RIMBP2: variants seen among roughly 807,000 people sequenced by gnomAD.
RIMBP2 encodes RIMS binding protein 2, also known as RIMS-binding protein 2.
Under a neutral mutation model 118.6 loss-of-function variants are expected in RIMBP2, and 48 were observed. The observed-to-expected ratio is 0.40, with a 90% CI of 0.32 to 0.51. The LOEUF (loss-of-function observed/expected upper bound fraction) is 0.51. RIMBP2 is among the 20% of genes least tolerant of loss of function. The pLI is 0.41. For synonymous variants in RIMBP2, 762 were observed against 742.9 expected (o/e 1.03, Z -0.42); for missense variants, 1,551 against 1,768.3 (o/e 0.88, Z 2.20).
In RIMBP2 at chr12:130,705,413, G is replaced by A. The variant is rs2066059046; in HGVS notation, c.-352+10809C>T. ...TTCCTAACGCATCTTTCACCTCTGG[G>A]GAAAAGGAGGTTCAGTTTCCCCATT... On this transcript the variant is annotated intron_variant, in intron 1 of 22. Transcript: ENST00000690449. Among the ~76,000 whole-genome samples the A allele has an allele frequency of 4.6e-5, 7 of 152,198 alleles. 1 individual carries two copies. In the South Asian group the frequency reaches 1.5e-3, roughly 32 times the overall value.
chr12:130,406,538 G>C (rs2075190763), intron 20 of RIMBP2, among the ~76,000 whole-genome samples: 1 of 152,180 alleles, frequency 6.6e-6, no homozygotes, highest in Admixed American at 6.5e-5. Context: ...CTAGTGAAAT[G>C]GTTAATTGTA....
chr12:130,458,847 C>G lies in RIMBP2; in HGVS notation c.154-2147G>C, dbSNP rs186640513. 1.8e-4 allele frequency among the ~76,000 whole-genome samples: 27 copies of G among 152,106 alleles called. No individual in the cohort carries two copies. The East Asian group carries it at 4.3e-3, about 24-fold the overall frequency. On this transcript the variant is annotated intron_variant, in intron 6 of 22. Coordinates refer to ENST00000690449, the MANE Select transcript of RIMBP2 (RefSeq NM_001393629.1). ...ATCACCTGAGCTCAGGAGTTCGAGA[C>G]CAGCCTGGCCAACATGGTGAAACTC... is the stretch of plus-strand genomic sequence containing the variant.
Position 130,623,981 on chromosome 12 carries a change from C to G in RIMBP2, c.-217+4341G>C, listed in dbSNP as rs2061475827. On this transcript the variant is annotated intron_variant, in intron 2 of 22. Coordinates refer to ENST00000690449, the MANE Select transcript of RIMBP2 (RefSeq NM_001393629.1). This position sits in a 1 kb window ranked among gnomAD's most constrained non-coding sequence, Gnocchi z 4.1. Reference sequence around the variant, plus strand: ...CCCTGTCTCACTTCCACACTCCCCTCCCAAAATTTCCTGGGGTCACCTTCC... The same window carrying G: ...CCCTGTCTCACTTCCACACTCCCCTGCCAAAATTTCCTGGGGTCACCTTCC... Among the ~76,000 whole-genome samples, 1 of 152,206 alleles carries G rather than the reference C, an allele frequency of 6.6e-6. No homozygotes were observed. The highest frequency in any genetic ancestry group is 2.4e-5 in the African/African-American group (1 of 41,450).
chr12:130,517,484 GC>G (rs1419018879), intron 3 of RIMBP2, among the ~76,000 whole-genome samples: 17 of 152,262 alleles, frequency 1.1e-4, no homozygotes, highest in African/African-American at 4.1e-4. Context: ...CGCCCAGGAG[GC>G]CCCATCATGG....
chr12:130,535,118 G>A (rs977232886), intron 2 of RIMBP2, among the ~76,000 whole-genome samples: 3 of 152,278 alleles, frequency 2.0e-5, no homozygotes, highest in Non-Finnish European at 2.9e-5. Flanking sequence ...CTCAGCAAGG[G>A]CTCCGGAGTG....
chr12:130,521,630 C>T (rs1001666763), intron 2 of RIMBP2, among the ~76,000 whole-genome samples: 8 of 152,276 alleles, frequency 5.3e-5, no homozygotes, highest in African/African-American at 1.9e-4. Flanking sequence ...TGCTAGTGGT[C>T]GAGTGTGATG....
chr12:130,435,877 A>G (rs1194390659), intron 13 of RIMBP2, among the ~76,000 whole-genome samples: 1 of 152,132 alleles, frequency 6.6e-6, no homozygotes, highest in East Asian at 1.9e-4. Context: ...CTGTCCTCCT[A>G]GACACACCTG....
At chr12:130,609,765 G>A (rs1274797897) in intron 2 of RIMBP2, among the ~76,000 whole-genome samples, 1 of 152,178 alleles carries the variant, frequency 6.6e-6, no homozygotes, top group Non-Finnish European at 1.5e-5. Flanking sequence ...CTGCAGGTCT[G>A]GGAAGTGGGG....
chr12:130,396,259 T>C lies in RIMBP2; in HGVS notation c.*1102A>G, dbSNP rs1262807873. 3 of 152,678 alleles carry C rather than the reference T, an allele frequency of 2.0e-5. No homozygotes were observed. Among genetic ancestry groups the C allele is most frequent in the Admixed American group, 6.5e-5 (1 of 15,288 alleles). 9.5% of individuals were successfully genotyped at this position (152,678 alleles called of 1,614,324 possible). On this transcript the variant is annotated 3_prime_UTR_variant, in exon 23 of 23. Transcript: ENST00000690449. ...AATAAATCTACCACATACTATTATATTACAATTTATAATAGCGTTTTTGAA... is the reference window on the plus strand; with the variant it reads ...AATAAATCTACCACATACTATTATACTACAATTTATAATAGCGTTTTTGAA...
intron 17 of RIMBP2, among the ~76,000 whole-genome samples, chr12:130,418,970 G>A (rs1275610009): frequency 6.6e-6 from 1 of 152,196 alleles, no homozygotes; most frequent in African/African-American, 2.4e-5. Flanking sequence ...GTTTTGGGGG[G>A]AAGACAGGTG....
intron 1 of RIMBP2, among the ~76,000 whole-genome samples, chr12:130,692,176 T>A (rs866481159): frequency 7.2e-5 from 11 of 152,164 alleles, no homozygotes; most frequent in African/African-American, 2.7e-4. Flanking sequence ...GCCTCTGGAA[T>A]GATACCTCAG....
rs374474033 is a variant in RIMBP2, at chr12:130,630,956, A to G, written c.-351-2500T>C. 2.6e-3 allele frequency among the ~76,000 whole-genome samples: 394 copies of G among 149,204 alleles called. 1 individual carries two copies. Among genetic ancestry groups the G allele is most frequent in the East Asian group, 6.1e-3 (31 of 5,116 alleles). Reference sequence around the variant, plus strand: ...CTGTGCTGCAGCAAAACAAGTGGGGAAAAAAAAAAGATAAAAGGGAAAGCC... The same window carrying G: ...CTGTGCTGCAGCAAAACAAGTGGGGGAAAAAAAAAGATAAAAGGGAAAGCC... On this transcript the variant is annotated intron_variant, in intron 1 of 22. Coordinates refer to ENST00000690449, the MANE Select transcript of RIMBP2 (RefSeq NM_001393629.1).
intron 4 of RIMBP2, among the ~76,000 whole-genome samples, chr12:130,480,687 A>C (rs936934013): frequency 6.6e-6 from 1 of 151,966 alleles, no homozygotes; most frequent in South Asian, 2.1e-4. Context: ...TGCAGCCTCC[A>C]CCTCCTGGGT....
intron 1 of RIMBP2, among the ~76,000 whole-genome samples, chr12:130,634,017 G>A (rs1395488763): frequency 1.3e-5 from 2 of 152,318 alleles, no homozygotes; most frequent in East Asian, 1.9e-4. Context: ...TTCAATCTGC[G>A]AATGGGAGCC....
chr12:130,477,404 C>T (rs1336698580), intron 5 of RIMBP2, among the ~76,000 whole-genome samples: 7 of 152,166 alleles, frequency 4.6e-5, no homozygotes, highest in African/African-American at 1.2e-4. Flanking sequence ...TGGAGTGTGA[C>T]GAATAAGTGC....
chr12:130,404,470 T>C (rs1033833916), intron 21 of RIMBP2, among the ~76,000 whole-genome samples: 1 of 152,246 alleles, frequency 6.6e-6, no homozygotes, highest in Non-Finnish European at 1.5e-5. Context: ...GCTAATTCTT[T>C]TGTATTTTCA....
At chr12:130,515,467 G>C (rs1388303313) in intron 3 of RIMBP2, among the ~76,000 whole-genome samples, 1 of 152,148 alleles carries the variant, frequency 6.6e-6, no homozygotes, top group East Asian at 1.9e-4. Flanking sequence ...GAATCAAACA[G>C]TGTTTGCCCT....
At chr12:130,646,063 C>T (rs61936787) in intron 1 of RIMBP2, among the ~76,000 whole-genome samples, 5,505 of 108,016 alleles carry the variant, frequency 0.051, 272 homozygotes, top group Admixed American at 0.083. Context: ...CCCTCACCAC[C>T]TGCCTCTCCA....
In RIMBP2 at chr12:130,622,241, G is replaced by GC. The variant is rs1341830255; in HGVS notation, c.-217+6080dup. 6.6e-6 allele frequency among the ~76,000 whole-genome samples: 1 copy of GC among 152,138 alleles called. No homozygotes were observed. The highest frequency in any genetic ancestry group is 2.1e-4 in the South Asian group (1 of 4,826). ...TGTGGCTGACTGGAGCAGACGTGAA[G>GC]CCCCCACAAGGCTGCATAGGAGGTT... On this transcript the variant is annotated intron_variant, in intron 2 of 22. Coordinates refer to ENST00000690449, the MANE Select transcript of RIMBP2 (RefSeq NM_001393629.1). This position sits in a 1 kb window ranked among gnomAD's most constrained non-coding sequence, Gnocchi z 8.5.
Sources: allele counts gnomAD v4.1 joint callset (sites outside exome capture counted in the v4.1 genomes callset), GRCh38; gene constraint gnomAD v4.1.1; non-coding constraint Gnocchi (gnomAD v3.1); transcripts MANE v1.5; gene names NCBI Gene and HGNC (gene_info 2026-07-23, HGNC 2026-07-21).